The following LAMP3 variants were observed in gnomAD, a reference collection of about 807,000 sequenced individuals.
The protein encoded by LAMP3 is lysosome-associated membrane glycoprotein 3.
A neutral mutation model predicts 34.8 loss-of-function variants in LAMP3; 26 were observed. That is an observed-to-expected ratio of 0.75 (90% CI 0.55 to 1.04). The LOEUF (loss-of-function observed/expected upper bound fraction) is 1.04. LAMP3 is among the 50% of genes least tolerant of loss of function. The pLI is 0.00. For synonymous variants in LAMP3, 180 were observed against 201.9 expected, an observed-to-expected ratio of 0.89 and a Z score of 0.92; for missense variants, 495 against 524.0, an observed-to-expected ratio of 0.94 and a Z score of 0.54.
chr3:183,123,122 T>C lies in LAMP3; in HGVS notation c.*959A>G, dbSNP rs1719706913. On this transcript the variant is annotated 3_prime_UTR_variant, in exon 6 of 6. Transcript: ENST00000265598. The stretch of plus-strand genomic sequence containing the variant: ...TCTTGCTTATTGTTTAGTTCTACCA[T>C]CTGTAGCCACCTAATTCTTAGTCTA... 6.6e-6 allele frequency: 1 copy of C among 152,226 alleles called. No homozygotes were observed. The highest frequency in any genetic ancestry group is 1.5e-5 in the Non-Finnish European group (1 of 68,040). The allele number at this position is 152,226 out of a possible 1,614,324, so 9.4% of individuals were successfully genotyped here. A position where few individuals can be genotyped will look rare whatever the true frequency, so the allele number is the denominator to read the frequency against.
At chr3:183,127,640 C>G (rs921667720) in intron 5 of LAMP3, among the ~76,000 whole-genome samples, 3 of 152,044 alleles carry the variant, frequency 2.0e-5, no homozygotes, top group Non-Finnish European at 4.4e-5. Context: ...GTTTTAAAAA[C>G]TTTTAATTTT....
At chr3:183,134,526 C>T (rs755907784) in intron 5 of LAMP3, among the ~76,000 whole-genome samples, 14 of 152,038 alleles carry the variant, frequency 9.2e-5, no homozygotes, top group Non-Finnish European at 1.3e-4. Context: ...TTTTTCAAAC[C>T]TTCATAATGA....
chr3:183,145,836 G>A (rs1160014691), intron 3 of LAMP3, among the ~76,000 whole-genome samples: 5 of 152,102 alleles, frequency 3.3e-5, no homozygotes, highest in African/African-American at 7.2e-5. Flanking sequence ...CAGCCTGGGC[G>A]ACAAGAGCAA....
chr3:183,162,482 C>A, intron 1 of LAMP3, 125 bp downstream of exon 1: 3 of 922,816 alleles, frequency 3.3e-6, no homozygotes, highest in Non-Finnish European at 5.1e-6. Flanking sequence ...AGCTGGGAAG[C>A]CCTTGGACGC....
intron 4 of LAMP3, 48 bp from the exon 5 acceptor site, chr3:183,135,935 T>C: frequency 1.3e-6 from 2 of 1,487,386 alleles, no homozygotes; most frequent in Non-Finnish European, 1.9e-6. Context: ...ATGTAACCGC[T>C]GAGCTCCAGC....
At chr3:183,158,247 T>C (rs1331129022) in intron 1 of LAMP3, 1 of 152,178 alleles carries the variant, frequency 6.6e-6, no homozygotes, top group East Asian at 1.9e-4. Context: ...ACCACACACA[T>C]GGTCTATGTA....
intron 5 of LAMP3, among the ~76,000 whole-genome samples, chr3:183,127,659 T>C (rs745573245): frequency 1.3e-5 from 2 of 152,204 alleles, no homozygotes; most frequent in African/African-American, 2.4e-5. Context: ...TTTGATGTTT[T>C]TAGCTTAAAT....
intron 1 of LAMP3, chr3:183,160,757 G>A (rs1381666907): frequency 3.3e-5 from 5 of 152,190 alleles, no homozygotes; most frequent in Admixed American, 6.5e-5. Context: ...TTCAAAGCTC[G>A]ACTCTGTCAC....
At chr3:183,137,460 C>A (rs944966801) in intron 4 of LAMP3, among the ~76,000 whole-genome samples, 2 of 152,144 alleles carry the variant, frequency 1.3e-5, no homozygotes, top group African/African-American at 4.8e-5. Context: ...GCCAGAGGAC[C>A]CAACTCTCTG....
intron 5 of LAMP3, among the ~76,000 whole-genome samples, chr3:183,127,703 G>A (rs75740475): frequency 0.024 from 3,575 of 152,088 alleles, 62 homozygotes; most frequent in Middle Eastern, 0.044. Flanking sequence ...GCCAGCAGCC[G>A]CCCCCCAAGC....
intron 4 of LAMP3, 146 bp from the exon 5 acceptor site, chr3:183,136,033 A>T: frequency 1.5e-6 from 1 of 687,164 alleles, no homozygotes; most frequent in South Asian, 1.8e-5. Flanking sequence ...CCCCATGAAA[A>T]AACACCCTGG....
At chr3:183,140,496 C>T in intron 4 of LAMP3, 42 bp downstream of exon 4, 1 of 1,141,036 alleles carries the variant, frequency 8.8e-7, no homozygotes, top group Non-Finnish European at 1.3e-6. Flanking sequence ...CCAACAGAAA[C>T]AGCGTCATGG....
At chr3:183,153,161 C>T (rs1363903783) in intron 2 of LAMP3, among the ~76,000 whole-genome samples, 10 of 128,826 alleles carry the variant, frequency 7.8e-5, no homozygotes, top group East Asian at 2.3e-4. Flanking sequence ...AGCAACAGAG[C>T]GAGACTCCGT....
At chr3:183,160,569 C>T (rs1336721019) in intron 1 of LAMP3, among the ~76,000 whole-genome samples, 1 of 152,188 alleles carries the variant, frequency 6.6e-6, no homozygotes, top group African/African-American at 2.4e-5. Flanking sequence ...GAATGCTACT[C>T]ACTAACTGGG....
intron 2 of LAMP3, among the ~76,000 whole-genome samples, chr3:183,153,134 C>G (rs548503614): frequency 7.2e-6 from 1 of 139,806 alleles, no homozygotes; most frequent in Admixed American, 7.6e-5. Flanking sequence ...AAGACTGTGC[C>G]ACTACACTCC....
At chr3:183,137,362 T>C (rs113716789) in intron 4 of LAMP3, among the ~76,000 whole-genome samples, 87 of 152,182 alleles carry the variant, frequency 5.7e-4, no homozygotes, top group African/African-American at 1.9e-3. Context: ...TAATTAATCA[T>C]ACAATGAACT....
At chr3:183,134,429 G>A (rs1720022630) in intron 5 of LAMP3, among the ~76,000 whole-genome samples, 1 of 152,204 alleles carries the variant, frequency 6.6e-6, no homozygotes, top group Admixed American at 6.5e-5. Flanking sequence ...AAGTTTCCCA[G>A]ACCTGATCAC....
chr3:183,123,995 A>G lies in LAMP3; in HGVS notation c.*86T>C. ...GGTTTACATTGTTTGAAGGACCCAC[A>G]CTCTGAGGGAATTTCCCAACATCCA... On this transcript the variant is annotated 3_prime_UTR_variant, in exon 6 of 6. Coordinates refer to ENST00000265598, the MANE Select transcript of LAMP3 (RefSeq NM_014398.4). 6.8e-7 allele frequency: 1 copy of G among 1,472,026 alleles called. No homozygotes were observed. Among genetic ancestry groups the G allele is most frequent in the Non-Finnish European group, 9.5e-7 (1 of 1,057,220 alleles). 91.2% of individuals were successfully genotyped at this position (1,472,026 alleles called of 1,614,324 possible).
intron 5 of LAMP3, among the ~76,000 whole-genome samples, chr3:183,126,148 A>G (rs931525252): frequency 6.6e-6 from 1 of 152,240 alleles, no homozygotes; most frequent in Non-Finnish European, 1.5e-5. Context: ...AGCACTGTCC[A>G]TTTTATGAGA....
Sources: allele counts gnomAD v4.1 joint callset (sites outside exome capture counted in the v4.1 genomes callset), GRCh38; gene constraint gnomAD v4.1.1; transcripts MANE v1.5; gene names NCBI Gene and HGNC (gene_info 2026-07-23, HGNC 2026-07-21).